WDR1: variants seen among roughly 807,000 people sequenced by gnomAD.
WDR1 encodes WD repeat-containing protein 1.
In WDR1, 21 loss-of-function variants were observed where a neutral mutation model predicts 71.9. That is an observed-to-expected ratio of 0.29 (90% CI 0.21 to 0.42). The LOEUF is 0.42. WDR1 is among the 10% of genes least tolerant of loss of function. The pLI, the probability that WDR1 is intolerant of heterozygous loss-of-function variation, is 1.00. For missense variants in WDR1, 696 were observed against 824.5 expected (o/e 0.84, Z 1.91); for synonymous variants, 424 against 347.4 (o/e 1.22, Z -2.45).
intron 10 of WDR1, among the ~76,000 whole-genome samples, chr4:10,082,687 C>A (rs1765064468): frequency 6.6e-6 from 1 of 152,220 alleles, no homozygotes; most frequent in Admixed American, 6.5e-5. Context: ...CTGAGGCAGG[C>A]TCCACTGTAC....
Position 10,084,475 on chromosome 4 carries a change from T to C in WDR1, c.1007A>G (p.Tyr336Cys), listed in dbSNP as rs780328789. 1 of 1,613,914 alleles carries C rather than the reference T, an allele frequency of 6.2e-7. No homozygotes were observed. The highest frequency in any genetic ancestry group is 1.7e-5 in the Admixed American group (1 of 60,026). ...TCCGTCGTGGCTCCCAGAGTAAATG[T>C]AGGACTTGCCGCCGTTTTTATGCAC... ...LTVHKNGGKS[Y>C]IYSGSHDGHI... is the part of the protein sequence containing the mutation. The change falls in exon 9 of 15, where the codon TAC becomes TGC. Residue 336 changes from tyrosine (Y) to cysteine (C), a missense_variant. Tyr to Cys is a radical substitution (Grantham distance 194). Transcript: ENST00000499869.
At chr4:10,082,081 C>T (rs1333141250) in intron 10 of WDR1, among the ~76,000 whole-genome samples, 1 of 152,192 alleles carries the variant, frequency 6.6e-6, no homozygotes, top group African/African-American at 2.4e-5. Flanking sequence ...CAGGGAAGAC[C>T]CTTTTATGGG....
At chr4:10,111,026 C>T (rs1307668427) in intron 2 of WDR1, among the ~76,000 whole-genome samples, 5 of 152,232 alleles carry the variant, frequency 3.3e-5, no homozygotes, top group South Asian at 4.1e-4. Context: ...GGCTGCACCA[C>T]GCAACGGAAC....
chr4:10,116,577 C>G, intron 1 of WDR1, 74 bp downstream of exon 1: 1 of 1,101,046 alleles, frequency 9.1e-7, no homozygotes, highest in Non-Finnish European at 1.1e-6. Context: ...GCCACCCGCA[C>G]GGCGCCTAGG....
chr4:10,080,521 A>C (rs975487186), intron 11 of WDR1, among the ~76,000 whole-genome samples: 1 of 152,230 alleles, frequency 6.6e-6, no homozygotes, highest in African/African-American at 2.4e-5. Flanking sequence ...AGAGAAATCC[A>C]CTGTCCCTAA....
In WDR1 at chr4:10,088,390, A is replaced by G; in HGVS notation, c.637-17T>C. ...GATGTATATCTTCCAAGAAATAAAAACATGTGGGTCATGTGTGTGTGAACA... is the reference window on the plus strand; with the variant it reads ...GATGTATATCTTCCAAGAAATAAAAGCATGTGGGTCATGTGTGTGTGAACA... On this transcript the variant is annotated splice_polypyrimidine_tract_variant and intron_variant, in intron 6 of 14. Transcript: ENST00000499869. The G allele has an allele frequency of 6.4e-7, 1 of 1,552,206 alleles. No homozygotes were observed. Among genetic ancestry groups the G allele is most frequent in the Non-Finnish European group, 8.7e-7 (1 of 1,147,008 alleles).
At chr4:10,075,837 C>T (rs899895509) in intron 14 of WDR1, 7 of 353,232 alleles carry the variant, frequency 2.0e-5, no homozygotes, top group African/African-American at 6.2e-5. Context: ...GACATGCAGA[C>T]ACCACACAAA....
intron 5 of WDR1, among the ~76,000 whole-genome samples, chr4:10,090,714 C>G (rs983822239): frequency 6.6e-6 from 1 of 152,236 alleles, no homozygotes. Flanking sequence ...ACCAGGATCT[C>G]CCACCTCATT....
intron 4 of WDR1, among the ~76,000 whole-genome samples, chr4:10,098,366 A>G (rs1365237533): frequency 1.3e-5 from 2 of 152,218 alleles, no homozygotes; most frequent in Non-Finnish European, 2.9e-5. Context: ...CACCTACTAG[A>G]ACATGTACGA....
Position 10,075,349 on chromosome 4 carries a change from G to C in WDR1, c.*29C>G, listed in dbSNP as rs757524112. ...GCAGTTAAACTCTAGTCCCTGATTC[G>C]GTCCATCCAGAGGCGGGGGTGGGGC... On this transcript the variant is annotated 3_prime_UTR_variant, in exon 15 of 15. Transcript: ENST00000499869. The C allele has an allele frequency of 1.1e-5, 17 of 1,598,630 alleles. No homozygotes were observed. The highest frequency in any genetic ancestry group is 1.5e-5 in the Non-Finnish European group (17 of 1,166,332).
At position 10,075,100 on chromosome 4, in the gene WDR1, G is replaced by C. The variant is rs1285268066; in HGVS notation, c.*278C>G. On this transcript the variant is annotated 3_prime_UTR_variant, in exon 15 of 15. Transcript: ENST00000499869. ...GAGGCTACTGCCTCTGGAATGTTTC[G>C]CATTCTCAAGGTTTGGTTGGGCTGT... 4.2e-6 allele frequency: 2 copies of C among 473,960 alleles called. No homozygotes were observed. Among genetic ancestry groups the C allele is most frequent in the Non-Finnish European group, 7.4e-6 (2 of 268,512 alleles). The allele number at this position is 473,960 out of a possible 1,614,324, so 29.4% of individuals were successfully genotyped here.
chr4:10,075,541 T>A, intron 14 of WDR1, 57 bp from the exon 15 acceptor site: 2 of 1,509,310 alleles, frequency 1.3e-6, no homozygotes, highest in Non-Finnish European at 1.8e-6. Flanking sequence ...ACTATGTACA[T>A]CTTGGACTAG....
chr4:10,105,836 C>T (rs1037775841), intron 2 of WDR1, among the ~76,000 whole-genome samples: 2 of 152,336 alleles, frequency 1.3e-5, no homozygotes, highest in South Asian at 4.1e-4. Flanking sequence ...TTCACAGAAG[C>T]TTTCTTTGCA....
Position 10,115,123 on chromosome 4 carries a change from T to A in WDR1, c.138+990A>T, listed in dbSNP as rs76897496. On this transcript the variant is annotated intron_variant, in intron 2 of 14. Transcript: ENST00000499869. ...TATGCCTATGGCATCAATCAAAACA[T>A]ACATCTTTGTGCCAGCCGCCCCCAC... Among the ~76,000 whole-genome samples, 1,335 of 152,232 alleles carry A rather than the reference T, an allele frequency of 8.8e-3. 18 individuals are homozygous for A. The highest frequency in any genetic ancestry group is 0.03 in the African/African-American group (1,258 of 41,530).
At position 10,074,494 on chromosome 4, in the gene WDR1, TTTTAATTTCTGCACTG is replaced by T. The variant is rs1764721272; in HGVS notation, c.*868_*883del. ...CCCAATCACGGTGCTTTATACTTAC[TTTTAATTTCTGCACTG>T]AAAAAGAAAAGGAAGGTAAAAACAA... is the stretch of plus-strand genomic sequence containing the variant. On this transcript the variant is annotated 3_prime_UTR_variant, in exon 15 of 15. Transcript: ENST00000499869. 1 of 152,664 alleles carries T rather than the reference TTTTAATTTCTGCACTG, an allele frequency of 6.6e-6. No individual in the cohort carries two copies. Among genetic ancestry groups the T allele is most frequent in the African/African-American group, 2.4e-5 (1 of 41,460 alleles). The allele number at this position is 152,664 out of a possible 1,614,324, so 9.5% of individuals were successfully genotyped here.
At chr4:10,079,576 C>T (rs1045279989) in intron 11 of WDR1, among the ~76,000 whole-genome samples, 7 of 152,340 alleles carry the variant, frequency 4.6e-5, no homozygotes, top group Middle Eastern at 3.4e-3. Flanking sequence ...GGCTCTGCAG[C>T]GGGGGCCTTC....
At chr4:10,076,876 C>T (rs780909571) in intron 14 of WDR1, 22 of 170,482 alleles carry the variant, frequency 1.3e-4, no homozygotes, top group Non-Finnish European at 2.0e-4. Context: ...TGATGACATG[C>T]GGGGCTAAAT....
intron 2 of WDR1, among the ~76,000 whole-genome samples, chr4:10,106,061 C>A (rs1011112172): frequency 6.6e-6 from 1 of 151,854 alleles, no homozygotes; most frequent in Admixed American, 6.6e-5. Context: ...GAAAAGGCAA[C>A]CCCAATGACA....
intron 11 of WDR1, 127 bp downstream of exon 11, chr4:10,081,230 G>A: frequency 1.3e-6 from 1 of 752,852 alleles, no homozygotes; most frequent in African/African-American, 1.7e-5. Flanking sequence ...ATCCCTTAGT[G>A]CAGTGCAAAT....
Sources: allele counts gnomAD v4.1 joint callset (sites outside exome capture counted in the v4.1 genomes callset), GRCh38; gene constraint gnomAD v4.1.1; transcripts MANE v1.5; gene names NCBI Gene and HGNC (gene_info 2026-07-23, HGNC 2026-07-21).